Variants in PDE10A observed in about 807,000 individuals in gnomAD.
PDE10A encodes cAMP and cAMP-inhibited cGMP 3',5'-cyclic phosphodiesterase 10A.
A neutral mutation model predicts 97.7 loss-of-function variants in PDE10A; 39 were observed. That is an observed-to-expected ratio of 0.40 (90% CI 0.31 to 0.52). The LOEUF is 0.52. PDE10A is among the 20% of genes least tolerant of loss of function. The pLI is 0.56. For synonymous variants in PDE10A, 371 were observed against 376.8 expected (o/e 0.98, Z 0.18); for missense variants, 731 against 1,047.8 (o/e 0.70, Z 4.17).
chr6:165,787,745 T>C (rs922527853), intron 1 of PDE10A, among the ~76,000 whole-genome samples: 3 of 152,212 alleles, frequency 2.0e-5, no homozygotes, highest in Admixed American at 1.3e-4. Flanking sequence ...GCAGGTATCC[T>C]ATTTGGAGAG....
At chr6:165,411,086 CAAAA>C (rs71026688) in intron 13 of PDE10A, among the ~76,000 whole-genome samples, 52 of 43,076 alleles carry the variant, frequency 1.2e-3, no homozygotes, top group Middle Eastern at 0.026. Flanking sequence ...GACTCCGCCT[CAAAA>C]AAAAAAAAAA....
chr6:165,630,747 G>C (rs971559646), intron 1 of PDE10A, among the ~76,000 whole-genome samples: 1 of 152,068 alleles, frequency 6.6e-6, no homozygotes, highest in African/African-American at 2.4e-5. Flanking sequence ...ATAAATGGGG[G>C]AAAAGTGAAG....
chr6:165,748,067 C>A (rs1350707501), intron 1 of PDE10A, among the ~76,000 whole-genome samples: 1 of 152,140 alleles, frequency 6.6e-6, no homozygotes, highest in Non-Finnish European at 1.5e-5. Flanking sequence ...CACGATCCAC[C>A]ACCTTCTAGG....
intron 2 of PDE10A, among the ~76,000 whole-genome samples, chr6:165,506,773 G>A (rs1781216444): frequency 6.6e-6 from 1 of 152,064 alleles, no homozygotes; most frequent in African/African-American, 2.4e-5. Flanking sequence ...TATTTGTAGA[G>A]TATTTTTACT....
At chr6:165,836,921 C>A (rs947689276) in intron 1 of PDE10A, among the ~76,000 whole-genome samples, 2 of 151,824 alleles carry the variant, frequency 1.3e-5, no homozygotes, top group African/African-American at 4.8e-5. Context: ...AATTGGAAAT[C>A]ATCATTCTCA....
At chr6:165,618,437 C>G (rs1051114474) in intron 1 of PDE10A, among the ~76,000 whole-genome samples, 31 of 152,208 alleles carry the variant, frequency 2.0e-4, no homozygotes, top group Non-Finnish European at 3.8e-4. Flanking sequence ...CAGAGGTGGC[C>G]ACGTGTCCAC....
At chr6:165,593,575 T>C (rs889603114) in intron 1 of PDE10A, among the ~76,000 whole-genome samples, 14 of 152,098 alleles carry the variant, frequency 9.2e-5, no homozygotes, top group African/African-American at 2.9e-4. Flanking sequence ...TCAATGAAAA[T>C]TGCATATACT....
At chr6:165,832,988 C>G (rs1327390423) in intron 1 of PDE10A, among the ~76,000 whole-genome samples, 2 of 152,214 alleles carry the variant, frequency 1.3e-5, no homozygotes. Flanking sequence ...TACCCATCAC[C>G]TGTGTGAGCT....
chr6:165,400,257 A>G (rs1786539005), intron 13 of PDE10A, among the ~76,000 whole-genome samples: 1 of 152,198 alleles, frequency 6.6e-6, no homozygotes, highest in South Asian at 2.1e-4. Context: ...AACAGAGGAG[A>G]AATGTCTTAA....
intron 1 of PDE10A, among the ~76,000 whole-genome samples, chr6:165,588,281 CTTTTTT>C (rs1216263426): frequency 8.1e-5 from 3 of 37,034 alleles, no homozygotes; most frequent in Non-Finnish European, 2.6e-4. Flanking sequence ...ATTTTTTTTT[CTTTTTT>C]TTTTTTTTTT....
At chr6:165,577,223 A>G (rs1785355262) in intron 1 of PDE10A, among the ~76,000 whole-genome samples, 1 of 152,220 alleles carries the variant, frequency 6.6e-6, no homozygotes, top group African/African-American at 2.4e-5. Context: ...CTAACTGAAC[A>G]GCCCCATGCC....
At chr6:165,932,630 C>G (rs1783173142) in intron 1 of PDE10A, among the ~76,000 whole-genome samples, 1 of 152,198 alleles carries the variant, frequency 6.6e-6, no homozygotes, top group Admixed American at 6.5e-5. Context: ...GCCACCGCAC[C>G]CAGCCTAATT....
In PDE10A at chr6:165,378,834, T is replaced by G. The variant is rs115525488; in HGVS notation, c.2783+360A>C. On this transcript the variant is annotated intron_variant, in intron 18 of 21. Coordinates refer to ENST00000539869, the MANE Select transcript of PDE10A (RefSeq NM_001385079.1). Reference sequence around the variant, plus strand: ...GACTGGATTCTGGAAATAGAATCCATTTTCATTTGCTCTTGAGTTTCTGAG... The same window carrying G: ...GACTGGATTCTGGAAATAGAATCCAGTTTCATTTGCTCTTGAGTTTCTGAG... Among the ~76,000 whole-genome samples the G allele has an allele frequency of 4.6e-3, 702 of 152,288 alleles. 8 individuals carry two copies. The highest frequency in any genetic ancestry group is 0.016 in the African/African-American group (655 of 41,556).
At chr6:165,767,987 A>G (rs2172783) in intron 1 of PDE10A, among the ~76,000 whole-genome samples, 76,836 of 152,116 alleles carry the variant, frequency 0.51, 20,107 homozygotes, top group East Asian at 0.8. Context: ...TAGTGGTGGT[A>G]CAGTGGGACC....
At chr6:165,649,708 G>A (rs1789580293) in intron 1 of PDE10A, among the ~76,000 whole-genome samples, 2 of 152,136 alleles carry the variant, frequency 1.3e-5, no homozygotes, top group Admixed American at 6.5e-5. Context: ...ATAAATTGCT[G>A]GGGCCCCCTT....
rs530479613 is a variant in PDE10A, at chr6:165,914,355, G to C, written c.-615+73174C>G. 1.2e-4 allele frequency among the ~76,000 whole-genome samples: 18 copies of C among 152,338 alleles called. No homozygotes were observed. In the East Asian group the frequency reaches 3.1e-3, roughly 26 times the overall value. Reference sequence around the variant, plus strand: ...TACAGGGTTAATGTACCAAAGTGTAGCTTCATTGGGAGTTATGAGCACATT... The same window carrying C: ...TACAGGGTTAATGTACCAAAGTGTACCTTCATTGGGAGTTATGAGCACATT... On this transcript the variant is annotated intron_variant, in intron 1 of 19. Transcript: ENST00000366882.
intron 1 of PDE10A, among the ~76,000 whole-genome samples, chr6:165,938,543 C>T (rs1424269035): frequency 1.3e-5 from 2 of 152,154 alleles, no homozygotes; most frequent in Non-Finnish European, 2.9e-5. Context: ...CACTGGACAA[C>T]GGGGCCCTTA....
intron 17 of PDE10A, among the ~76,000 whole-genome samples, chr6:165,384,953 C>T (rs755201742): frequency 2.0e-4 from 30 of 152,042 alleles, no homozygotes; most frequent in Admixed American, 3.3e-4. Flanking sequence ...GGATGGGCAG[C>T]GCCATGCTCG....
In PDE10A at chr6:165,336,197, A is replaced by C; in HGVS notation, c.2991T>G (p.Asn997Lys). ...EVPQGQLGFY[N>K]AVAIPCYTTL... ...TTGTATAGCAGGGAATGGCCACGGC[A>C]TTGTAGAACCCAAGCTGCCTCCATG... Residue 997 changes from asparagine to lysine, a missense_variant, in exon 21 of 22, where the codon AAT becomes AAG. Physicochemically the swap from Asn to Lys is moderately conservative, Grantham distance 94 (BLOSUM62 0). Transcript: ENST00000539869. 2 of 1,613,988 alleles carry C rather than the reference A, an allele frequency of 1.2e-6. No homozygotes were observed. The highest frequency in any genetic ancestry group is 1.7e-6 in the Non-Finnish European group (2 of 1,179,874).
Sources: gnomAD v4.1 joint callset for allele counts (sites outside exome capture counted in the v4.1 genomes callset) on GRCh38, gnomAD v4.1.1 for gene constraint, MANE v1.5 for transcripts, NCBI Gene and HGNC (gene_info 2026-07-23, HGNC 2026-07-21) for gene names.